Variants in PRELID2 observed in about 807,000 individuals in gnomAD.
PRELID2 encodes PRELI domain-containing protein 2.
PRELID2 carries 25 observed loss-of-function variants against 28.4 expected under a neutral mutation model. The ratio of observed to expected loss-of-function variants is 0.88; its 90% CI spans 0.64 to 1.23. The LOEUF (loss-of-function observed/expected upper bound fraction) is 1.23, where lower values mean the gene tolerates loss of function less well. Among genes scored for constraint, PRELID2 ranks in the 50% most tolerant of loss-of-function variants. The pLI is 0.00. For missense variants in PRELID2, 201 were observed against 214.4 expected (o/e 0.94, Z 0.39); for synonymous variants, 76 against 71.6 (o/e 1.06, Z -0.31).
rs1365517052 is a variant in PRELID2, at chr5:145,817,198, A to AAAAAAAATATATAT, written c.368+695_368+696insATATATATTTTTTT. On this transcript the variant is annotated intron_variant, in intron 4 of 6. Coordinates refer to ENST00000683046, the MANE Select transcript of PRELID2 (RefSeq NM_205846.3). ...AGAGCAAGACTGCATTTCAAAAAAA[A>AAAAAAAATATATAT]ATAAATAAATAAATAAAAAAAAATA... 1.1e-3 allele frequency among the ~76,000 whole-genome samples: 77 copies of AAAAAAAATATATAT among 69,978 alleles called. 1 individual carries two copies. Among genetic ancestry groups the AAAAAAAATATATAT allele is most frequent in the Non-Finnish European group, 1.8e-3 (54 of 30,544 alleles). The allele number at this position is 69,978 out of a possible 152,430, so 45.9% of individuals were successfully genotyped here.
At chr5:145,518,266 C>G (rs1009144555) in intron 1 of PRELID2, among the ~76,000 whole-genome samples, 1 of 152,010 alleles carries the variant, frequency 6.6e-6, no homozygotes, top group African/African-American at 2.4e-5. Context: ...GTGGCACGAT[C>G]TCAGCTCACT....
At chr5:145,446,582 A>C in the PRELID2 span, among the ~76,000 whole-genome samples, 1 of 152,174 alleles carries the variant, frequency 6.6e-6, no homozygotes, top group African/African-American at 2.4e-5. Flanking sequence ...GATGGTTTTC[A>C]GATATAGTTT....
At chr5:145,821,311 ATGTG>A (rs1392332592) in intron 2 of PRELID2, among the ~76,000 whole-genome samples, 5 of 129,424 alleles carry the variant, frequency 3.9e-5, no homozygotes, top group Non-Finnish European at 8.0e-5. Context: ...GTGTGTGTGT[ATGTG>A]TGTAAGCCCT....
chr5:145,536,136 G>T (rs1169645655), intron 1 of PRELID2, among the ~76,000 whole-genome samples: 1 of 151,894 alleles, frequency 6.6e-6, no homozygotes, highest in Admixed American at 6.6e-5. Context: ...AAGACCTGTG[G>T]TTCTCTCCAT....
chr5:145,360,282 G>C, the PRELID2 span, among the ~76,000 whole-genome samples: 1 of 152,184 alleles, frequency 6.6e-6, no homozygotes, highest in Non-Finnish European at 1.5e-5. Flanking sequence ...GCAGGAGGAA[G>C]GCAGTCCTGA....
intron 4 of PRELID2, among the ~76,000 whole-genome samples, chr5:145,815,885 A>T (rs1354782413): frequency 6.6e-6 from 1 of 152,052 alleles, no homozygotes; most frequent in Non-Finnish European, 1.5e-5. Context: ...TTGTGTGGAC[A>T]TATATTTTCT....
chr5:145,432,280 T>C, the PRELID2 span, among the ~76,000 whole-genome samples: 2 of 152,106 alleles, frequency 1.3e-5, no homozygotes, highest in African/African-American at 4.8e-5. Flanking sequence ...TTGGCTGTTG[T>C]AGTTTAGCCA....
At chr5:145,605,488 T>A (rs1020823312) in intron 1 of PRELID2, among the ~76,000 whole-genome samples, 1 of 152,112 alleles carries the variant, frequency 6.6e-6, no homozygotes, top group South Asian at 2.1e-4. Context: ...GTTGTAGGCA[T>A]GCAGCTTTAT....
At chr5:145,817,198 A>AAAATATATATATATATATAT (rs1365517052) in intron 4 of PRELID2, among the ~76,000 whole-genome samples, 1 of 70,090 alleles carries the variant, frequency 1.4e-5, no homozygotes, top group Admixed American at 1.8e-4. Context: ...TTCAAAAAAA[A>AAAATATATATATATATATAT]ATAAATAAAT....
chr5:145,476,548 G>A (rs1752103303), intron 1 of PRELID2, among the ~76,000 whole-genome samples: 1 of 152,086 alleles, frequency 6.6e-6, no homozygotes, highest in Non-Finnish European at 1.5e-5. Context: ...GGGAGGCTGA[G>A]GCAGGAGAAT....
At chr5:145,377,667 T>C in the PRELID2 span, among the ~76,000 whole-genome samples, 36 of 152,290 alleles carry the variant, frequency 2.4e-4, no homozygotes, top group Admixed American at 7.9e-4. Flanking sequence ...GACTGTTTTG[T>C]CAGAAACTAG....
At chr5:145,571,959 G>T (rs886532657) in intron 1 of PRELID2, among the ~76,000 whole-genome samples, 14 of 149,574 alleles carry the variant, frequency 9.4e-5, no homozygotes, top group African/African-American at 3.2e-4. Context: ...TCCAGCCTGG[G>T]CAACAGAGTG....
intron 1 of PRELID2, among the ~76,000 whole-genome samples, chr5:145,600,434 A>AATATATATATATATAT (rs1299956414): frequency 1.0e-4 from 12 of 120,092 alleles, no homozygotes; most frequent in African/African-American, 4.1e-4. Flanking sequence ...AAAAAAAAAA[A>AATATATATATATATAT]ATATATATAT....
intron 1 of PRELID2, among the ~76,000 whole-genome samples, chr5:145,550,532 C>T (rs1244614878): frequency 2.0e-5 from 3 of 152,106 alleles, no homozygotes; most frequent in Non-Finnish European, 2.9e-5. Flanking sequence ...TATGATTGTG[C>T]CACTGCCCTC....
chr5:145,291,705 C>T, the PRELID2 span, among the ~76,000 whole-genome samples: 2 of 152,024 alleles, frequency 1.3e-5, no homozygotes, highest in Non-Finnish European at 2.9e-5. Context: ...ACCACCAAAC[C>T]CAAGGTTACT....
chr5:145,603,497 G>T (rs897534605), intron 1 of PRELID2, among the ~76,000 whole-genome samples: 4 of 151,998 alleles, frequency 2.6e-5, no homozygotes, highest in African/African-American at 9.7e-5. Flanking sequence ...GCAAAACAAA[G>T]ACATTTTTCA....
chr5:145,249,043 C>T, the PRELID2 span, among the ~76,000 whole-genome samples: 1 of 152,096 alleles, frequency 6.6e-6, no homozygotes, highest in Non-Finnish European at 1.5e-5. Context: ...CTTTTTTCAT[C>T]CTATTGCTAC....
chr5:145,401,363 T>C, the PRELID2 span, among the ~76,000 whole-genome samples: 1 of 152,148 alleles, frequency 6.6e-6, no homozygotes, highest in Admixed American at 6.5e-5. Flanking sequence ...TATGGAATTT[T>C]CCCTAAGGTA....
At chr5:145,777,293 C>A (rs1284481562) in intron 5 of PRELID2, among the ~76,000 whole-genome samples, 1 of 152,132 alleles carries the variant, frequency 6.6e-6, no homozygotes, top group African/African-American at 2.4e-5. Flanking sequence ...GCCTTGAACT[C>A]CTGGGCTCAG....
Sources: gnomAD v4.1 joint callset for allele counts (sites outside exome capture counted in the v4.1 genomes callset) on GRCh38, gnomAD v4.1.1 for gene constraint, MANE v1.5 for transcripts, NCBI Gene and HGNC (gene_info 2026-07-23, HGNC 2026-07-21) for gene names.